The following POU6F2 variants were observed in gnomAD, a reference collection of about 807,000 sequenced individuals.
POU6F2 encodes POU domain, class 6, transcription factor 2.
In POU6F2, 31 loss-of-function variants were observed where a neutral mutation model predicts 71.3. That is an observed-to-expected ratio of 0.43 (90% CI 0.33 to 0.59). The LOEUF is 0.59. POU6F2 is among the 20% of genes least tolerant of loss of function. The pLI is 0.04. For synonymous variants in POU6F2, 347 were observed against 355.7 expected (o/e 0.98, Z 0.27); for missense variants, 783 against 856.8 (o/e 0.91, Z 1.07).
rs183506141 is a variant in POU6F2, at chr7:39,156,702, G to T, written c.278-47533G>T. Among the ~76,000 whole-genome samples the T allele has an allele frequency of 1.8e-3, 268 of 151,590 alleles. 3 individuals are homozygous for T. Among genetic ancestry groups the T allele is most frequent in the African/African-American group, 6.1e-3 (251 of 41,346 alleles). ...GTTTATTTAAAGATACAAAATTAAG[G>T]TATAGAGAAGTTAAACGACTCAAAA... On this transcript the variant is annotated intron_variant, in intron 2 of 9. Transcript: ENST00000518318.
Position 39,464,386 on chromosome 7 carries a change from T to A in POU6F2, c.1863T>A (p.Gly621=). The A allele has an allele frequency of 6.2e-7, 1 of 1,613,962 alleles. No individual in the cohort carries two copies. Among genetic ancestry groups the A allele is most frequent in the Non-Finnish European group, 8.5e-7 (1 of 1,179,882 alleles). ...MAEAEARHRA[G]MQNLTEFIGS... Reference sequence around the variant, plus strand: ...AGGCTGAGGCCCGCCATCGAGCAGGTATGCAGAACCTGACCGAGTTTATCG... The same window carrying A: ...AGGCTGAGGCCCGCCATCGAGCAGGAATGCAGAACCTGACCGAGTTTATCG... Residue 621 remains glycine (G), a synonymous_variant, in exon 10 of 10, where the codon GGT becomes GGA. Transcript: ENST00000518318. This position sits in a 1 kb window ranked among gnomAD's most constrained non-coding sequence, Gnocchi z 4.1.
intron 4 of POU6F2, among the ~76,000 whole-genome samples, chr7:39,322,525 T>G (rs1192936041): frequency 6.6e-6 from 1 of 152,230 alleles, no homozygotes. Flanking sequence ...CTACCTGCAG[T>G]ACTTTTCTGT....
intron 4 of POU6F2, among the ~76,000 whole-genome samples, chr7:39,212,449 G>C (rs1276567938): frequency 6.6e-6 from 1 of 152,178 alleles, no homozygotes; most frequent in Admixed American, 6.5e-5. Flanking sequence ...AGAGCATTCA[G>C]ATGAGATCTA....
intron 1 of POU6F2, among the ~76,000 whole-genome samples, chr7:39,021,451 T>C (rs552054874): frequency 1.3e-5 from 2 of 152,160 alleles, no homozygotes; most frequent in Admixed American, 6.6e-5. Context: ...TTAGTATTTA[T>C]GTACTCCACC....
At chr7:39,225,897 T>G (rs1306669964) in intron 4 of POU6F2, among the ~76,000 whole-genome samples, 1 of 152,040 alleles carries the variant, frequency 6.6e-6, no homozygotes, top group East Asian at 1.9e-4. Context: ...CCCGCGTTTT[T>G]GGGGGAAAAT....
chr7:39,365,452 C>T (rs770731236), intron 5 of POU6F2, among the ~76,000 whole-genome samples: 4 of 152,100 alleles, frequency 2.6e-5, no homozygotes, highest in African/African-American at 7.2e-5. Context: ...GATAACATTG[C>T]AAAAACCCTT....
intron 5 of POU6F2, among the ~76,000 whole-genome samples, chr7:39,401,686 A>G (rs185603636): frequency 1.4e-4 from 21 of 152,336 alleles, no homozygotes; most frequent in South Asian, 2.1e-4. Flanking sequence ...CTAGGCATCC[A>G]CGGCCGAGTC....
chr7:39,459,488 G>A (rs1028037886), intron 8 of POU6F2, among the ~76,000 whole-genome samples: 3 of 139,016 alleles, frequency 2.2e-5, no homozygotes, highest in African/African-American at 8.0e-5. Context: ...GTTTTGTTTT[G>A]TTTTGTTTCA....
At chr7:39,116,607 G>T (rs1377998937) in intron 2 of POU6F2, among the ~76,000 whole-genome samples, 6 of 152,114 alleles carry the variant, frequency 3.9e-5, no homozygotes, top group Non-Finnish European at 5.9e-5. Flanking sequence ...AGTGAGTTTT[G>T]AACTCAGGTC....
At chr7:39,351,747 A>G (rs975793885) in intron 5 of POU6F2, among the ~76,000 whole-genome samples, 4 of 152,132 alleles carry the variant, frequency 2.6e-5, no homozygotes, top group Non-Finnish European at 5.9e-5. Flanking sequence ...GTAAAGTGCT[A>G]CTCAATGGAC....
intron 4 of POU6F2, among the ~76,000 whole-genome samples, chr7:39,260,731 C>T (rs1784120621): frequency 6.6e-6 from 1 of 151,882 alleles, no homozygotes; most frequent in African/African-American, 2.4e-5. Context: ...TACTACACCA[C>T]CTGCACACAA....
chr7:39,239,058 T>G (rs552537138), intron 4 of POU6F2, among the ~76,000 whole-genome samples: 1 of 152,288 alleles, frequency 6.6e-6, no homozygotes, highest in South Asian at 2.1e-4. Context: ...CACAAGATGG[T>G]AATTACATAT....
At chr7:39,386,399 T>C (rs185022265) in intron 5 of POU6F2, among the ~76,000 whole-genome samples, 93 of 152,254 alleles carry the variant, frequency 6.1e-4, no homozygotes, top group African/African-American at 2.2e-3. Flanking sequence ...ACCCAGACAA[T>C]ATGACTCCAG....
At chr7:39,029,613 C>T (rs1024852548) in intron 1 of POU6F2, among the ~76,000 whole-genome samples, 1 of 150,898 alleles carries the variant, frequency 6.6e-6, no homozygotes, top group Non-Finnish European at 1.5e-5. Flanking sequence ...CAAAATTATA[C>T]TTGTATCCTA....
chr7:39,151,101 C>T (rs911652665), intron 2 of POU6F2, among the ~76,000 whole-genome samples: 14 of 151,942 alleles, frequency 9.2e-5, no homozygotes, highest in African/African-American at 3.1e-4. Context: ...TTCTGCCCTC[C>T]AAGTTTTCAT....
At chr7:39,446,255 T>G (rs1461401029) in intron 7 of POU6F2, among the ~76,000 whole-genome samples, 1 of 152,254 alleles carries the variant, frequency 6.6e-6, no homozygotes, top group East Asian at 1.9e-4. Flanking sequence ...TGGGGTTCAC[T>G]ATGGCTCTCT....
chr7:39,123,841 T>C (rs1225661594), intron 2 of POU6F2, among the ~76,000 whole-genome samples: 3 of 152,106 alleles, frequency 2.0e-5, no homozygotes, highest in Non-Finnish European at 2.9e-5. Context: ...CAACTTCACA[T>C]ATGTTAAGAA....
Position 39,405,843 on chromosome 7 carries a change from CTTTCTTCCTCCCTG to C in POU6F2, c.973-752_973-739del, listed in dbSNP as rs1787414224. 2.0e-5 allele frequency among the ~76,000 whole-genome samples: 3 copies of C among 152,278 alleles called. No homozygotes were observed. The South Asian group carries it at 6.2e-4, about 32-fold the overall frequency. On this transcript the variant is annotated intron_variant, in intron 5 of 9. Transcript: ENST00000518318. Reference sequence around the variant, plus strand: ...CCGGCAGGTCTCTCTCCCACTCTCTCTTTCTTCCTCCCTGTTTCACTCTTGTCCCAGGAAAGAGG... The same window carrying C: ...CCGGCAGGTCTCTCTCCCACTCTCTCTTTCACTCTTGTCCCAGGAAAGAGG...
At chr7:39,109,768 T>G (rs1791766249) in intron 2 of POU6F2, among the ~76,000 whole-genome samples, 1 of 152,182 alleles carries the variant, frequency 6.6e-6, no homozygotes, top group Non-Finnish European at 1.5e-5. Flanking sequence ...GGCTTTAAAT[T>G]TAGAGTGATA....
Sources: allele counts gnomAD v4.1 joint callset (sites outside exome capture counted in the v4.1 genomes callset), GRCh38; gene constraint gnomAD v4.1.1; non-coding constraint Gnocchi (gnomAD v3.1); transcripts MANE v1.5; gene names NCBI Gene and HGNC (gene_info 2026-07-23, HGNC 2026-07-21).